The following IQCM variants were observed in gnomAD, a reference collection of about 807,000 sequenced individuals.
The protein encoded by IQCM is IQ domain-containing protein M.
A neutral mutation model predicts 57.6 loss-of-function variants in IQCM; 45 were observed. The observed-to-expected ratio is 0.78, with a 90% CI of 0.62 to 1.00. The LOEUF is 1.00. Ranked by LOEUF, IQCM falls within the 50% of genes least tolerant of loss-of-function variation. The pLI, the probability that IQCM is intolerant of heterozygous loss-of-function variation, is 0.00. For missense variants in IQCM, 468 were observed against 511.6 expected (o/e 0.91, Z 0.82); for synonymous variants, 148 against 158.9 (o/e 0.93, Z 0.51).
At chr4:149,755,668 A>G (rs946647974) in intron 2 of IQCM, among the ~76,000 whole-genome samples, 2 of 152,194 alleles carry the variant, frequency 1.3e-5, no homozygotes, top group African/African-American at 4.8e-5. Flanking sequence ...TACAATATAT[A>G]AAATACTCAT....
At chr4:149,742,969 A>G (rs1767596840) in intron 2 of IQCM, among the ~76,000 whole-genome samples, 1 of 152,122 alleles carries the variant, frequency 6.6e-6, no homozygotes, top group Non-Finnish European at 1.5e-5. Flanking sequence ...TACTGGGTCT[A>G]GGCAACCTGA....
At chr4:149,527,858 T>G (rs1252491415) in intron 12 of IQCM, among the ~76,000 whole-genome samples, 2 of 152,198 alleles carry the variant, frequency 1.3e-5, no homozygotes, top group African/African-American at 4.8e-5. Flanking sequence ...GTTCAAAGAA[T>G]AATGCCACTT....
At chr4:149,706,366 C>T (rs773175634) in intron 5 of IQCM, among the ~76,000 whole-genome samples, 2 of 151,928 alleles carry the variant, frequency 1.3e-5, no homozygotes, top group African/African-American at 2.4e-5. Context: ...AGGTCAAAGC[C>T]AGAGGCAGAC....
chr4:149,560,862 C>T (rs542776895), intron 10 of IQCM, among the ~76,000 whole-genome samples: 16 of 152,126 alleles, frequency 1.1e-4, no homozygotes, highest in Admixed American at 2.0e-4. Flanking sequence ...AGTCTCCCAG[C>T]GGAGGGACTG....
At chr4:149,563,281 T>G (rs775908532) in intron 10 of IQCM, among the ~76,000 whole-genome samples, 4 of 152,160 alleles carry the variant, frequency 2.6e-5, no homozygotes, top group Non-Finnish European at 5.9e-5. Context: ...TGCAAAGTTA[T>G]TTCAAAATAT....
intron 12 of IQCM, among the ~76,000 whole-genome samples, chr4:149,451,041 T>C (rs1481679130): frequency 6.6e-6 from 1 of 151,810 alleles, no homozygotes; most frequent in Non-Finnish European, 1.5e-5. Flanking sequence ...TGCAACAACA[T>C]GGATGGGACT....
At chr4:149,443,792 T>C (rs1231610649) in intron 12 of IQCM, among the ~76,000 whole-genome samples, 2 of 151,792 alleles carry the variant, frequency 1.3e-5, no homozygotes, top group Admixed American at 1.3e-4. Flanking sequence ...TACATCAGAC[T>C]ACAAGGTCAA....
chr4:149,735,550 A>G (rs1048907943), intron 3 of IQCM, 92 bp from the exon 4 acceptor site: 34 of 484,606 alleles, frequency 7.0e-5, no homozygotes, highest in Non-Finnish European at 1.0e-4. Context: ...AAGAAATACA[A>G]TGATCTCTTA....
intron 5 of IQCM, among the ~76,000 whole-genome samples, chr4:149,691,394 G>T (rs1394839518): frequency 6.6e-6 from 1 of 152,100 alleles, no homozygotes; most frequent in Non-Finnish European, 1.5e-5. Context: ...AGTAAAAATT[G>T]CTATGCTAAC....
intron 12 of IQCM, among the ~76,000 whole-genome samples, chr4:149,530,821 C>T (rs1560956402): frequency 8.1e-6 from 1 of 123,398 alleles, no homozygotes; most frequent in African/African-American, 3.1e-5. Flanking sequence ...CCCACATACA[C>T]ACACTAATTG....
intron 13 of IQCM, among the ~76,000 whole-genome samples, chr4:149,404,380 T>C (rs912683250): frequency 6.6e-6 from 1 of 152,076 alleles, no homozygotes; most frequent in Non-Finnish European, 1.5e-5. Flanking sequence ...TTCTAAACTC[T>C]GCTAGAAAAT....
At chr4:149,377,030 T>G (rs190696912) in intron 13 of IQCM, among the ~76,000 whole-genome samples, 52 of 152,294 alleles carry the variant, frequency 3.4e-4, no homozygotes, top group African/African-American at 1.3e-3. Flanking sequence ...ATGAAGCTAC[T>G]GGGTCAAATT....
At chr4:149,592,282 A>G (rs902967453) in intron 8 of IQCM, among the ~76,000 whole-genome samples, 1 of 151,840 alleles carries the variant, frequency 6.6e-6, no homozygotes, top group African/African-American at 2.4e-5. Context: ...CATATCCTTC[A>G]CCCACTTTTT....
At chr4:149,641,054 A>C (rs5016596) in intron 7 of IQCM, among the ~76,000 whole-genome samples, 62,538 of 151,894 alleles carry the variant, frequency 0.41, 13,206 homozygotes, top group East Asian at 0.51. Flanking sequence ...CACTTGAACC[A>C]AGGAGGAAGA....
intron 7 of IQCM, among the ~76,000 whole-genome samples, chr4:149,668,389 T>C (rs1760927521): frequency 6.6e-6 from 1 of 152,172 alleles, no homozygotes. Context: ...AGAGATTTTG[T>C]CACCACCAGG....
chr4:149,792,891 T>C (rs1772770533), intron 2 of IQCM, among the ~76,000 whole-genome samples: 1 of 152,152 alleles, frequency 6.6e-6, no homozygotes, highest in Non-Finnish European at 1.5e-5. Context: ...TAAGAAGTTT[T>C]CAACCATAAT....
intron 5 of IQCM, among the ~76,000 whole-genome samples, chr4:149,722,365 T>C (rs1449019173): frequency 6.6e-6 from 1 of 152,136 alleles, no homozygotes; most frequent in Non-Finnish European, 1.5e-5. Context: ...ATAAATTATT[T>C]GCCTAGGCCA....
Position 149,517,298 on chromosome 4 carries a change from C to T in IQCM, c.1228+31157G>A, listed in dbSNP as rs978448763. Among the ~76,000 whole-genome samples, 3 of 152,240 alleles carry T rather than the reference C, an allele frequency of 2.0e-5. No homozygotes were observed. In the East Asian group the frequency reaches 5.8e-4, roughly 29 times the overall value. ...TTCTTTTGTTAAAAACATGTTTGTG[C>T]ATGTATACACTTGTACTAAGAAAAT... On this transcript the variant is annotated intron_variant, in intron 12 of 13. Transcript: ENST00000636793.
At chr4:149,505,481 G>A (rs1743710268) in intron 12 of IQCM, among the ~76,000 whole-genome samples, 1 of 152,068 alleles carries the variant, frequency 6.6e-6, no homozygotes, top group South Asian at 2.1e-4. Context: ...CCCAAAACTT[G>A]TATTTTTTAA....
Sources: gnomAD v4.1 joint callset for allele counts (sites outside exome capture counted in the v4.1 genomes callset) on GRCh38, gnomAD v4.1.1 for gene constraint, MANE v1.5 for transcripts, NCBI Gene and HGNC (gene_info 2026-07-23, HGNC 2026-07-21) for gene names.